POLR1C: variants seen among roughly 807,000 people sequenced by gnomAD.
POLR1C encodes RNA polymerase I and III subunit C.
Under a neutral mutation model 38.3 loss-of-function variants are expected in POLR1C, and 42 were observed. The ratio of observed to expected loss-of-function variants is 1.10; its 90% confidence interval spans 0.86 to 1.42. The LOEUF is 1.42. POLR1C is among the 40% of genes most tolerant of loss of function. The probability of loss-of-function intolerance (pLI) is 0.00; values close to 1 mark genes in which losing one functional copy is unlikely to be tolerated. For missense variants in POLR1C, 507 were observed against 450.5 expected (o/e 1.13, Z -1.14); for synonymous variants, 163 against 163.9 (o/e 0.99, Z 0.04).
At chr6:43,546,207 T>C (rs1238594756) in intron 9 of POLR1C, among the ~76,000 whole-genome samples, 1 of 152,184 alleles carries the variant, frequency 6.6e-6, no homozygotes, top group African/African-American at 2.4e-5. Context: ...ACAAGCATCA[T>C]TATAGAAGGC....
At chr6:43,527,698 C>T in intron 8 of POLR1C, 2 of 1,613,990 alleles carry the variant, frequency 1.2e-6, no homozygotes, top group Non-Finnish European at 1.7e-6. Flanking sequence ...TCTCTTGAGA[C>T]TCTGGGTTTT....
downstream of POLR1C, chr6:43,526,418 C>A (rs1356854798): frequency 2.0e-6 from 1 of 503,000 alleles, no homozygotes; most frequent in Non-Finnish European, 3.6e-6. Context: ...TGGACGATCT[C>A]TGGGAAGAGG....
intron 8 of POLR1C, chr6:43,527,718 C>T: frequency 6.2e-7 from 1 of 1,613,968 alleles, no homozygotes; most frequent in South Asian, 1.1e-5. Context: ...TCATCTGCAG[C>T]CTCATCTTCT....
At chr6:43,553,002 T>C (rs1380981085) in intron 10 of POLR1C, among the ~76,000 whole-genome samples, 2 of 152,182 alleles carry the variant, frequency 1.3e-5, no homozygotes, top group East Asian at 3.9e-4. Context: ...TGTACATCCA[T>C]AGATTTTCCT....
At chr6:43,546,789 G>GA in intron 9 of POLR1C, 4 of 1,441,378 alleles carry the variant, frequency 2.8e-6, no homozygotes, top group Admixed American at 2.8e-5. Flanking sequence ...AATATTAAAA[G>GA]GAAAAAAAAA....
intron 8 of POLR1C, chr6:43,527,841 T>C (rs1310629492): frequency 1.7e-6 from 2 of 1,169,930 alleles, no homozygotes; most frequent in East Asian, 2.5e-5. Context: ...CTTTGGGTCT[T>C]CGTTTTATGC....
intron 10 of POLR1C, chr6:43,556,117 C>CTT: frequency 9.8e-7 from 1 of 1,015,448 alleles, no homozygotes; most frequent in East Asian, 2.7e-5. Flanking sequence ...CTCAATAAAA[C>CTT]TTTATTAACG....
At chr6:43,525,296 G>GT, downstream of POLR1C, 2 of 1,366,066 alleles carry the variant, frequency 1.5e-6, no homozygotes, top group Admixed American at 2.4e-5. Context: ...GGAGCCGGAG[G>GT]GTTTTTTTTT....
intron 10 of POLR1C, among the ~76,000 whole-genome samples, chr6:43,553,102 C>T (rs1795329593): frequency 1.3e-5 from 2 of 152,036 alleles, no homozygotes; most frequent in South Asian, 4.2e-4. Context: ...TCGCTTGAGG[C>T]CAGGAGTTTG....
At chr6:43,533,811 G>T, downstream of POLR1C, 1 of 872,620 alleles carries the variant, frequency 1.1e-6, no homozygotes, top group Non-Finnish European at 1.7e-6. Context: ...CTCTAGCCTG[G>T]GTGACAGAGA....
rs11544379 is a variant in POLR1C, at chr6:43,551,372, C to T, written c.*48+361C>T. On this transcript the variant is annotated intron_variant, in intron 10 of 10. Transcript: ENST00000607635. ...AAGAGTGCAGAGACATTAGTAAGGA[C>T]GCAGGACAGGATGAGGGGATCCTTG... 5.0e-6 allele frequency: 8 copies of T among 1,613,712 alleles called. No individual in the cohort carries two copies. Among genetic ancestry groups the T allele is most frequent in the East Asian group, 2.2e-5 (1 of 44,898 alleles).
At chr6:43,550,301 A>G (rs1444914249) in intron 9 of POLR1C, among the ~76,000 whole-genome samples, 2 of 152,222 alleles carry the variant, frequency 1.3e-5, no homozygotes, top group Admixed American at 1.3e-4. Context: ...CCAATGAAAT[A>G]TGGCTGCTTA....
chr6:43,556,211 C>T (rs548421690), intron 10 of POLR1C: 2 of 410,268 alleles, frequency 4.9e-6, no homozygotes, highest in East Asian at 9.3e-5. Context: ...AACTTAGTCT[C>T]CCATTTCTGT....
At chr6:43,539,299 G>A (rs1412533858) in intron 9 of POLR1C, 7 of 1,544,668 alleles carry the variant, frequency 4.5e-6, no homozygotes, top group Non-Finnish European at 6.2e-6. Context: ...GACCGACGTG[G>A]CCACTGTAGT....
At chr6:43,527,406 G>A in intron 8 of POLR1C, 1 of 377,674 alleles carries the variant, frequency 2.6e-6, no homozygotes, top group Non-Finnish European at 4.9e-6. Flanking sequence ...TGAGTAGCTG[G>A]GACTACAGGC....
At chr6:43,561,749 C>A (rs1416605613) in exon 11 of POLR1C, 1 of 153,430 alleles carries the variant, frequency 6.5e-6, no homozygotes, top group East Asian at 1.9e-4. Flanking sequence ...GATATAACAT[C>A]AATTGCAAAT....
In POLR1C at chr6:43,521,270, G is replaced by C; in HGVS notation, c.1011G>C (p.Leu337Phe). The stretch of plus-strand genomic sequence containing the variant: ...TGATGGGGAAGTGCCGGCGCTTCTT[G>C]GATGAACTAGATGCGGTTCAGATGG... ...KVLMGKCRRF[L>F]DELDAVQMD Residue 337 changes from leucine to phenylalanine, a missense_variant, in exon 9 of 9, where the codon TTG (leucine) becomes TTC (phenylalanine). Transcript: ENST00000642195. 3.7e-6 allele frequency: 6 copies of C among 1,612,718 alleles called. No individual in the cohort carries two copies. The highest frequency in any genetic ancestry group is 5.1e-6 in the Non-Finnish European group (6 of 1,180,028).
intron 9 of POLR1C, among the ~76,000 whole-genome samples, chr6:43,540,109 G>T (rs557430342): frequency 5.9e-5 from 9 of 152,252 alleles, no homozygotes; most frequent in Admixed American, 4.6e-4. Flanking sequence ...TACAAAATTA[G>T]CTGGGCATGG....
At chr6:43,546,329 G>A (rs1456452549) in intron 9 of POLR1C, among the ~76,000 whole-genome samples, 3 of 152,166 alleles carry the variant, frequency 2.0e-5, no homozygotes, top group Non-Finnish European at 4.4e-5. Context: ...ACAAAGAGGA[G>A]GCTCAAAATG....
Sources: gnomAD v4.1 joint callset for allele counts (sites outside exome capture counted in the v4.1 genomes callset) on GRCh38, gnomAD v4.1.1 for gene constraint, MANE v1.5 for transcripts, NCBI Gene and HGNC (gene_info 2026-07-23, HGNC 2026-07-21) for gene names.